The following TAPT1 variants were observed in gnomAD, a reference collection of about 807,000 sequenced individuals.
TAPT1 encodes the protein transmembrane anterior posterior transformation protein 1 homolog.
TAPT1 carries 28 observed loss-of-function variants against 65.6 expected under a neutral mutation model. That is an observed-to-expected ratio of 0.43 (90% CI 0.32 to 0.59). TAPT1 has a LOEUF of 0.59. TAPT1 is among the 20% of genes least tolerant of loss of function. TAPT1 has a pLI of 0.09. For missense variants in TAPT1, 563 were observed against 679.9 expected (o/e 0.83, Z 1.91); for synonymous variants, 278 against 245.2 (o/e 1.13, Z -1.25).
chr4:16,185,454 C>T (rs572954012), intron 7 of TAPT1, among the ~76,000 whole-genome samples: 11 of 151,774 alleles, frequency 7.2e-5, no homozygotes, highest in South Asian at 2.1e-4. Context: ...CTGCAACCTC[C>T]GCCTCCCAGG....
chr4:16,204,283 T>C (rs1208846391), intron 2 of TAPT1, among the ~76,000 whole-genome samples: 1 of 152,192 alleles, frequency 6.6e-6, no homozygotes, highest in East Asian at 1.9e-4. Flanking sequence ...AGTTCCTTCC[T>C]AGGCAGCTTC....
chr4:16,201,758 GTAT>G (rs1750045007), intron 3 of TAPT1, among the ~76,000 whole-genome samples: 1 of 150,352 alleles, frequency 6.7e-6, no homozygotes, highest in African/African-American at 2.5e-5. Flanking sequence ...ACTATGCTGG[GTAT>G]TTTTTTTACA....
chr4:16,178,880 C>G (rs1748522404), intron 8 of TAPT1: 1 of 152,052 alleles, frequency 6.6e-6, no homozygotes, highest in Admixed American at 6.6e-5. Flanking sequence ...CTGGTTAACC[C>G]CTAAGATGAA....
upstream of TAPT1, chr4:16,227,319 T>C: frequency 2.2e-6 from 1 of 456,262 alleles, no homozygotes; most frequent in Non-Finnish European, 4.4e-6. Context: ...TTTGTCGCTT[T>C]ACTTGGGGCT....
chr4:16,186,490 A>C (rs765377741), intron 7 of TAPT1, 45 bp downstream of exon 7: 5 of 1,327,968 alleles, frequency 3.8e-6, no homozygotes, highest in Non-Finnish European at 1.0e-6. Context: ...ATGAACTGCA[A>C]AATAATACTG....
intron 1 of TAPT1, among the ~76,000 whole-genome samples, chr4:16,225,701 A>G (rs577068897): frequency 2.0e-5 from 3 of 152,344 alleles, no homozygotes; most frequent in Non-Finnish European, 4.4e-5. Context: ...CAGTTCAGGA[A>G]AAGTTCAGAT....
At chr4:16,224,490 G>C (rs1332087971) in intron 1 of TAPT1, among the ~76,000 whole-genome samples, 1 of 152,170 alleles carries the variant, frequency 6.6e-6, no homozygotes, top group African/African-American at 2.4e-5. Flanking sequence ...AGTGGCTCCA[G>C]CTGAAATACT....
In TAPT1 at chr4:16,202,543, A is replaced by G; in HGVS notation, c.368T>C (p.Phe123Ser). ...VFGIFLCLDA[F>S]LYVFTLLPLR... is the part of the protein sequence containing the mutation. ...AGGAAGCAGGGTGAACACATACAAAAACGCATCCAGGCACAGAAAGATTCC... is the reference window on the plus strand; with the variant it reads ...AGGAAGCAGGGTGAACACATACAAAGACGCATCCAGGCACAGAAAGATTCC... Residue 123 changes from phenylalanine (F) to serine (S), a missense_variant, in exon 3 of 14, where the codon TTT becomes TCT. Phe to Ser is a radical substitution (Grantham distance 155). Coordinates refer to ENST00000405303, the MANE Select transcript of TAPT1 (RefSeq NM_153365.3). The G allele has an allele frequency of 6.4e-7, 1 of 1,551,498 alleles. No homozygotes were observed. The highest frequency in any genetic ancestry group is 8.7e-7 in the Non-Finnish European group (1 of 1,147,096).
At chr4:16,198,852 C>T (rs1220696504) in intron 3 of TAPT1, among the ~76,000 whole-genome samples, 1 of 152,090 alleles carries the variant, frequency 6.6e-6, no homozygotes, top group African/African-American at 2.4e-5. Context: ...AGGTCTTAGA[C>T]TTAATATTAA....
chr4:16,205,514 T>C (rs1750285507), intron 2 of TAPT1, among the ~76,000 whole-genome samples: 1 of 152,168 alleles, frequency 6.6e-6, no homozygotes, highest in Admixed American at 6.5e-5. Flanking sequence ...CCCAGTGAGC[T>C]TGACACAAAC....
rs1234516729 is a variant in TAPT1, at chr4:16,226,389, C to T, written c.69G>A (p.Arg23=). The T allele has an allele frequency of 5.5e-6, 6 of 1,098,300 alleles. No homozygotes were observed. Among genetic ancestry groups the T allele is most frequent in the Non-Finnish European group, 6.6e-6 (6 of 903,856 alleles). 68.0% of individuals were successfully genotyped at this position (1,098,300 alleles called of 1,614,324 possible). A position where few individuals can be genotyped will look rare whatever the true frequency, so the allele number is the denominator to read the frequency against. The change falls in exon 1 of 14, where the codon CGG becomes CGA. Residue 23 remains arginine, a synonymous_variant. Transcript: ENST00000405303. The stretch of plus-strand genomic sequence containing the variant: ...GCTGCTCCGCCTCGCCGCGGCCGTC[C>T]CGCTGCGGGCCGTCCACGCCGCCAC... The part of the protein sequence containing the change: ...GGGGGVDGPQ[R]DGRGEAEQPG...
At chr4:16,166,295 G>T (rs746753430) in intron 13 of TAPT1, among the ~76,000 whole-genome samples, 1 of 152,156 alleles carries the variant, frequency 6.6e-6, no homozygotes, top group Non-Finnish European at 1.5e-5. Context: ...GCAGTTCCCC[G>T]TCACTTGACA....
At chr4:16,189,830 T>C (rs74653389) in intron 4 of TAPT1, among the ~76,000 whole-genome samples, 3,260 of 152,320 alleles carry the variant, frequency 0.021, 101 homozygotes, top group African/African-American at 0.066. Context: ...GAGGGCTTTG[T>C]AAGTCAGGGG....
chr4:16,208,287 C>T (rs750334361), intron 2 of TAPT1, among the ~76,000 whole-genome samples: 6 of 152,150 alleles, frequency 3.9e-5, no homozygotes, highest in Admixed American at 1.3e-4. Flanking sequence ...TATGACTATA[C>T]TAATTTTCCA....
intron 1 of TAPT1, among the ~76,000 whole-genome samples, chr4:16,225,698 G>A (rs2108906797): frequency 6.6e-6 from 1 of 152,208 alleles, no homozygotes; most frequent in Middle Eastern, 3.4e-3. Context: ...TTTCAGTTCA[G>A]GAAAAGTTCA....
chr4:16,188,449 T>A, intron 4 of TAPT1, 94 bp from the exon 5 acceptor site: 1 of 1,060,804 alleles, frequency 9.4e-7, no homozygotes, highest in East Asian at 2.7e-5. Context: ...GAGATCTGTG[T>A]TTTAAATCCT....
chr4:16,209,740 T>C (rs945112982), intron 2 of TAPT1, among the ~76,000 whole-genome samples: 7 of 152,202 alleles, frequency 4.6e-5, no homozygotes, highest in Non-Finnish European at 8.8e-5. Flanking sequence ...GACAAAGGAA[T>C]TGGAGCTTTA....
chr4:16,168,253 C>G (rs547953234), intron 12 of TAPT1, among the ~76,000 whole-genome samples: 2 of 152,152 alleles, frequency 1.3e-5, no homozygotes, highest in South Asian at 4.1e-4. Context: ...GCTGGGACCA[C>G]AGGCGTATGC....
intron 1 of TAPT1, among the ~76,000 whole-genome samples, chr4:16,221,874 G>C (rs1751274249): frequency 6.6e-6 from 1 of 152,148 alleles, no homozygotes; most frequent in Non-Finnish European, 1.5e-5. Context: ...CAGCTTTTCT[G>C]GGACTCAATC....
Sources: allele counts gnomAD v4.1 joint callset (sites outside exome capture counted in the v4.1 genomes callset), GRCh38; gene constraint gnomAD v4.1.1; transcripts MANE v1.5; gene names NCBI Gene and HGNC (gene_info 2026-07-23, HGNC 2026-07-21).